The following CDKN2B-AS1 variants were observed in gnomAD, a reference collection of about 807,000 sequenced individuals.
CDKN2B-AS1 encodes CDKN2B antisense RNA 1 (non-protein coding).
chr9:22,100,697 T>C (rs1825453889), intron 4 of CDKN2B-AS1, among the ~76,000 whole-genome samples: 3 of 152,218 alleles, frequency 2.0e-5, no homozygotes, highest in South Asian at 4.1e-4. Flanking sequence ...GGATGTTGTA[T>C]GGAAAATTAA....
At chr9:22,122,909 A>T (rs995862446) in intron 4 of CDKN2B-AS1, among the ~76,000 whole-genome samples, 1 of 151,230 alleles carries the variant, frequency 6.6e-6, no homozygotes, top group African/African-American at 2.4e-5. Context: ...AAATTTTAGA[A>T]TTTTTTTTTC....
At chr9:22,125,449 A>G (rs1398512001) in intron 4 of CDKN2B-AS1, among the ~76,000 whole-genome samples, 1 of 152,176 alleles carries the variant, frequency 6.6e-6, no homozygotes, top group Non-Finnish European at 1.5e-5. Flanking sequence ...TTCATTCCAA[A>G]TTTATGGTCA....
intron 4 of CDKN2B-AS1, among the ~76,000 whole-genome samples, chr9:22,062,996 T>G (rs1257975400): frequency 6.0e-5 from 3 of 49,750 alleles, no homozygotes; most frequent in African/African-American, 3.0e-4. Flanking sequence ...CATATATATA[T>G]ATAGAGAGAG....
At chr9:22,017,404 C>A (rs766671515) in intron 1 of CDKN2B-AS1, among the ~76,000 whole-genome samples, 1 of 152,162 alleles carries the variant, frequency 6.6e-6, no homozygotes, top group Non-Finnish European at 1.5e-5. Flanking sequence ...TCAACCTACC[C>A]GTTTCACACA....
intron 4 of CDKN2B-AS1, among the ~76,000 whole-genome samples, chr9:22,099,913 G>A (rs113388217): frequency 2.6e-3 from 399 of 152,234 alleles, no homozygotes; most frequent in Middle Eastern, 0.01. Flanking sequence ...TTAGTGGGGG[G>A]CATTGGGTGG....
chr9:22,092,809 G>A (rs1825139726), intron 4 of CDKN2B-AS1, among the ~76,000 whole-genome samples: 1 of 151,988 alleles, frequency 6.6e-6, no homozygotes, highest in African/African-American at 2.4e-5. Context: ...AGGGTTTTTT[G>A]TGTCTCTATT....
At chr9:22,106,584 G>A (rs968470476) in intron 4 of CDKN2B-AS1, among the ~76,000 whole-genome samples, 1 of 152,180 alleles carries the variant, frequency 6.6e-6, no homozygotes, top group Non-Finnish European at 1.5e-5. Context: ...CTAATTTGGA[G>A]AGTTGTTAAA....
At chr9:22,098,611 G>A (rs1172158434) in intron 4 of CDKN2B-AS1, among the ~76,000 whole-genome samples, 1 of 152,132 alleles carries the variant, frequency 6.6e-6, no homozygotes, top group Non-Finnish European at 1.5e-5. Context: ...AAGATGTCCT[G>A]TTTGGAACAC....
At chr9:22,030,311 C>T (rs1037093493) in intron 1 of CDKN2B-AS1, 1 of 152,146 alleles carries the variant, frequency 6.6e-6, no homozygotes, top group Non-Finnish European at 1.5e-5. Flanking sequence ...TACCAGGAAC[C>T]TTAGGAAGTG....
chr9:22,127,495 C>G (rs116736177), exon 5 of CDKN2B-AS1, among the ~76,000 whole-genome samples: 1 of 152,114 alleles, frequency 6.6e-6, no homozygotes, highest in Admixed American at 6.5e-5. Flanking sequence ...TGAATTAGAA[C>G]GATAGTGAGC....
chr9:22,064,691 G>A (rs987667008), intron 4 of CDKN2B-AS1, among the ~76,000 whole-genome samples: 4 of 152,080 alleles, frequency 2.6e-5, no homozygotes, highest in Admixed American at 2.6e-4. Context: ...GTGGAGCCTG[G>A]GGTCTTGAGG....
chr9:22,015,336 G>T (rs1473741795), intron 1 of CDKN2B-AS1, among the ~76,000 whole-genome samples: 1 of 151,822 alleles, frequency 6.6e-6, no homozygotes, highest in Non-Finnish European at 1.5e-5. Context: ...CTATGAAAAA[G>T]TCCATTCTTT....
chr9:22,122,694 T>A (rs1294730928), intron 4 of CDKN2B-AS1, among the ~76,000 whole-genome samples: 1 of 152,158 alleles, frequency 6.6e-6, no homozygotes, highest in Non-Finnish European at 1.5e-5. Flanking sequence ...TTGTTAAAAA[T>A]CAGGTGGTTG....
intron 4 of CDKN2B-AS1, among the ~76,000 whole-genome samples, chr9:22,073,867 A>AT (rs567089131): frequency 0.034 from 4,974 of 145,102 alleles, 217 homozygotes; most frequent in East Asian, 0.18. Context: ...TACCTAGATA[A>AT]TTTTTTTTTT....
intron 1 of CDKN2B-AS1, among the ~76,000 whole-genome samples, chr9:22,043,583 C>T (rs1822988152): frequency 6.6e-6 from 1 of 151,928 alleles, no homozygotes; most frequent in African/African-American, 2.4e-5. Context: ...TCTACTTCCC[C>T]ACTCCTTAGG....
intron 4 of CDKN2B-AS1, among the ~76,000 whole-genome samples, chr9:22,108,703 A>G (rs982181823): frequency 6.6e-6 from 1 of 152,216 alleles, no homozygotes. Flanking sequence ...AGTCTCCCAA[A>G]TGGATTATAT....
chr9:22,000,363 G>C lies in CDKN2B-AS1; in HGVS notation n.29+5202G>C, dbSNP rs1678924213. On this transcript the variant is annotated intron_variant and non_coding_transcript_variant, in intron 1 of 4. Coordinates refer to ENST00000650946, the Ensembl canonical transcript of CDKN2B-AS1. This position sits in a 1 kb window ranked among gnomAD's most constrained non-coding sequence, Gnocchi z 4.1. ...AAAGGGGACGACCTTAAATCTTTCT[G>C]TTTATGGTGGTATTTAAACATATTA... Among the ~76,000 whole-genome samples the C allele has an allele frequency of 6.6e-6, 1 of 152,140 alleles. No individual in the cohort carries two copies. Among genetic ancestry groups the C allele is most frequent in the Non-Finnish European group, 1.5e-5 (1 of 67,994 alleles).
chr9:22,017,221 T>G (rs904824063), intron 1 of CDKN2B-AS1, among the ~76,000 whole-genome samples: 2 of 152,188 alleles, frequency 1.3e-5, no homozygotes, highest in Admixed American at 6.5e-5. Context: ...GGTCAGGAGT[T>G]CGAGACCAGC....
In CDKN2B-AS1 at chr9:22,059,490, G is replaced by A. The variant is rs559088266; in HGVS notation, n.438+3103G>A. Among the ~76,000 whole-genome samples the A allele has an allele frequency of 6.6e-5, 10 of 152,304 alleles. No individual in the cohort carries two copies. In the East Asian group the frequency reaches 9.7e-4, roughly 15 times the overall value. On this transcript the variant is annotated intron_variant and non_coding_transcript_variant, in intron 4 of 4. Transcript: ENST00000650946. Reference sequence around the variant, plus strand: ...GGTTGCCATGGTCTTGGGCAGCTCCGTCCCTGTGGCTTTGCAGGGTACAGC... The same window carrying A: ...GGTTGCCATGGTCTTGGGCAGCTCCATCCCTGTGGCTTTGCAGGGTACAGC...
Sources: allele counts gnomAD v4.1 joint callset (sites outside exome capture counted in the v4.1 genomes callset), GRCh38; gene constraint gnomAD v4.1.1; non-coding constraint Gnocchi (gnomAD v3.1); transcripts MANE v1.5; gene names NCBI Gene and HGNC (gene_info 2026-07-23, HGNC 2026-07-21).